BRD4: variants seen among roughly 807,000 people sequenced by gnomAD.
BRD4 encodes the protein bromodomain containing 4, also known as bromodomain-containing protein 4.
Under a neutral mutation model 142.1 loss-of-function variants are expected in BRD4, and 16 were observed. The ratio of observed to expected loss-of-function variants is 0.11; its 90% CI spans 0.08 to 0.17. BRD4 has a LOEUF of 0.17. BRD4 is among the 10% of genes least tolerant of loss of function. The pLI, the probability that BRD4 is intolerant of heterozygous loss-of-function variation, is 1.00. For missense variants in BRD4, 1,424 were observed against 1,810.9 expected (o/e 0.79, Z 3.88); for synonymous variants, 833 against 707.5 (o/e 1.18, Z -2.82).
At chr19:15,307,114 C>G (rs2047920729) in intron 1 of BRD4, among the ~76,000 whole-genome samples, 1 of 152,166 alleles carries the variant, frequency 6.6e-6, no homozygotes, top group African/African-American at 2.4e-5. Context: ...GGAACACACA[C>G]AGGAAGCAGA....
rs1026714246 is a variant in BRD4, at chr19:15,262,735, CA to C, written c.1341+684del. Reference sequence around the variant, plus strand: ...GAGACCCTGTCTCCAATAATTAAAACAAAAAAAATAGAAAAGATGATGATGA... The same window carrying C: ...GAGACCCTGTCTCCAATAATTAAAACAAAAAAATAGAAAAGATGATGATGA... On this transcript the variant is annotated intron_variant, in intron 7 of 19. Coordinates refer to ENST00000679869, the MANE Select transcript of BRD4 (RefSeq NM_001379291.1). 4.6e-5 allele frequency among the ~76,000 whole-genome samples: 7 copies of C among 151,126 alleles called. No individual in the cohort carries two copies. In the East Asian group the frequency reaches 7.8e-4, roughly 17 times the overall value.
chr19:15,244,473 G>T lies in BRD4; in HGVS notation c.2339C>A (p.Pro780His). The T allele has an allele frequency of 6.5e-7, 1 of 1,540,598 alleles. No individual in the cohort carries two copies. Among genetic ancestry groups the T allele is most frequent in the Non-Finnish European group, 8.7e-7 (1 of 1,150,642 alleles). The change falls in exon 13 of 20, where the codon CCT becomes CAT. Residue 780 changes from proline to histidine, a missense_variant. Coordinates refer to ENST00000679869, the MANE Select transcript of BRD4 (RefSeq NM_001379291.1). ...CTGCTGCGGCATGGAGGGTGGGGGA[G>T]GCGGGGGTGGCGGCTGCTGTTGCTG... ...PQQQQQPPPPPPPPSMPQQAA... is the reference protein window; with the variant it reads ...PQQQQQPPPPHPPPSMPQQAA...
chr19:15,247,576 G>A (rs576499584), intron 11 of BRD4: 54 of 232,172 alleles, frequency 2.3e-4, no homozygotes, highest in Admixed American at 2.2e-4. Context: ...GCGTGCGTGC[G>A]TGTGTCGGGG....
At chr19:15,331,628 G>A (rs1379534256) in intron 1 of BRD4, among the ~76,000 whole-genome samples, 2 of 152,124 alleles carry the variant, frequency 1.3e-5, no homozygotes, top group Non-Finnish European at 2.9e-5. Context: ...CAGGGGACCT[G>A]CCCCTTTCTC....
At chr19:15,322,877 A>AG (rs1253886861) in intron 1 of BRD4, among the ~76,000 whole-genome samples, 1 of 147,038 alleles carries the variant, frequency 6.8e-6, no homozygotes, top group Non-Finnish European at 1.5e-5. Flanking sequence ...CAAAAAAAAA[A>AG]AAAAAAAGAA....
intron 1 of BRD4, among the ~76,000 whole-genome samples, chr19:15,306,396 G>A (rs930984389): frequency 1.3e-5 from 2 of 152,148 alleles, no homozygotes; most frequent in African/African-American, 4.8e-5. Context: ...AGCCTCCCAA[G>A]TAGCTGGGAC....
chr19:15,288,336 G>A (rs947331752), intron 1 of BRD4, among the ~76,000 whole-genome samples: 1 of 152,166 alleles, frequency 6.6e-6, no homozygotes, highest in Admixed American at 6.5e-5. Context: ...GAAGCCAGGA[G>A]TTTCAGGCTG....
intron 1 of BRD4, among the ~76,000 whole-genome samples, chr19:15,293,575 G>C (rs539481760): frequency 6.6e-6 from 1 of 152,310 alleles, no homozygotes; most frequent in East Asian, 1.9e-4. Flanking sequence ...GTCTCTAGTG[G>C]ATATGACTGA....
chr19:15,297,218 A>C (rs1036572881), intron 1 of BRD4, among the ~76,000 whole-genome samples: 2 of 152,224 alleles, frequency 1.3e-5, no homozygotes, highest in African/African-American at 4.8e-5. Flanking sequence ...TCTTAACAAA[A>C]GACACAACAT....
intron 1 of BRD4, among the ~76,000 whole-genome samples, chr19:15,319,448 G>A (rs545370216): frequency 6.2e-4 from 94 of 152,072 alleles, no homozygotes; most frequent in African/African-American, 2.0e-3. Flanking sequence ...GTGAGACCTC[G>A]TACCAAAAAA....
intron 1 of BRD4, among the ~76,000 whole-genome samples, chr19:15,274,480 T>A (rs543307785): frequency 6.6e-6 from 1 of 152,268 alleles, no homozygotes; most frequent in East Asian, 1.9e-4. Context: ...TATGATTAGA[T>A]TTCTCCTAGA....
At chr19:15,292,128 C>T (rs1016706328) in intron 1 of BRD4, among the ~76,000 whole-genome samples, 1 of 152,182 alleles carries the variant, frequency 6.6e-6, no homozygotes, top group African/African-American at 2.4e-5. Context: ...TATGTTCCAC[C>T]TTTAATTGGG....
chr19:15,255,635 G>C, intron 9 of BRD4, 43 bp from the exon 10 acceptor site: 1 of 1,550,336 alleles, frequency 6.5e-7, no homozygotes, highest in Non-Finnish European at 8.7e-7. Flanking sequence ...CGGGCCCCCT[G>C]AGGAAGCCAG....
chr19:15,261,653 G>GA (rs2047472686), intron 7 of BRD4, among the ~76,000 whole-genome samples: 1 of 152,054 alleles, frequency 6.6e-6, no homozygotes, highest in South Asian at 2.1e-4. Flanking sequence ...ATAAAACTAA[G>GA]AAACAGGCCA....
At chr19:15,260,778 C>G (rs1460688199) in intron 7 of BRD4, among the ~76,000 whole-genome samples, 1 of 149,738 alleles carries the variant, frequency 6.7e-6, no homozygotes, top group Non-Finnish European at 1.5e-5. Context: ...GCTTACTCCC[C>G]TCTCAGAAGG....
intron 1 of BRD4, among the ~76,000 whole-genome samples, chr19:15,318,317 G>C (rs969014365): frequency 6.6e-6 from 1 of 152,150 alleles, no homozygotes; most frequent in African/African-American, 2.4e-5. Context: ...GTCTGTAATA[G>C]GTGCTATTCT....
At chr19:15,288,222 T>C (rs1383775484) in intron 1 of BRD4, among the ~76,000 whole-genome samples, 1 of 152,186 alleles carries the variant, frequency 6.6e-6, no homozygotes, top group Non-Finnish European at 1.5e-5. Flanking sequence ...CAGTCCCTGC[T>C]TTCAAAGAGA....
chr19:15,265,735 G>A (rs961447908), intron 4 of BRD4, 92 bp from the exon 5 acceptor site: 8 of 1,339,724 alleles, frequency 6.0e-6, no homozygotes, highest in Admixed American at 3.4e-5. Flanking sequence ...CACAGTGAAC[G>A]CACATTCGCG....
chr19:15,293,838 A>T (rs1372256416), intron 1 of BRD4, among the ~76,000 whole-genome samples: 1 of 152,184 alleles, frequency 6.6e-6, no homozygotes, highest in Non-Finnish European at 1.5e-5. Flanking sequence ...CGTGGTAACC[A>T]CTATTTTTTG....
Sources: allele counts gnomAD v4.1 joint callset (sites outside exome capture counted in the v4.1 genomes callset), GRCh38; gene constraint gnomAD v4.1.1; transcripts MANE v1.5; gene names NCBI Gene and HGNC (gene_info 2026-07-23, HGNC 2026-07-21).